PIK3C3: variants seen among roughly 807,000 people sequenced by gnomAD.
The protein encoded by PIK3C3 is PI3-kinase type 3.
PIK3C3 carries 95 observed loss-of-function variants against 126.1 expected under a neutral mutation model. That is an observed-to-expected ratio of 0.75 (90% CI 0.64 to 0.89). PIK3C3 has a LOEUF of 0.89. Ranked by LOEUF, PIK3C3 falls within the 40% of genes least tolerant of loss-of-function variation. The pLI is 0.00. For missense variants in PIK3C3, 829 were observed against 1,063.2 expected, an observed-to-expected ratio of 0.78 and a Z score of 3.06; for synonymous variants, 374 against 360.0, an observed-to-expected ratio of 1.04 and a Z score of -0.44.
chr18:42,009,504 G>T lies in PIK3C3; in HGVS notation c.1171-3938G>T, dbSNP rs1434757472. 2.6e-5 allele frequency among the ~76,000 whole-genome samples: 4 copies of T among 151,942 alleles called. No homozygotes were observed. In the East Asian group the frequency reaches 7.7e-4, roughly 29 times the overall value. On this transcript the variant is annotated intron_variant, in intron 10 of 24. Transcript: ENST00000262039. ...ACAAAGTGAGTCATATGAATTTTTTGGTTTCCTAGTACATGTAAAATTTAT... is the reference window on the plus strand; with the variant it reads ...ACAAAGTGAGTCATATGAATTTTTTTGTTTCCTAGTACATGTAAAATTTAT...
chr18:42,012,576 A>C (rs775830738), intron 10 of PIK3C3, among the ~76,000 whole-genome samples: 1 of 152,212 alleles, frequency 6.6e-6, no homozygotes, highest in Non-Finnish European at 1.5e-5. Flanking sequence ...TTTTAAAAGT[A>C]AAATTTTAAA....
intron 2 of PIK3C3, among the ~76,000 whole-genome samples, chr18:41,959,787 C>T (rs542364101): frequency 6.6e-6 from 1 of 151,786 alleles, no homozygotes; most frequent in African/African-American, 2.4e-5. Flanking sequence ...GAACGAGACT[C>T]CATCTCAAAA....
intron 9 of PIK3C3, 125 bp from the exon 10 acceptor site, chr18:42,004,231 T>C (rs766786267): frequency 4.5e-6 from 3 of 660,654 alleles, no homozygotes; most frequent in Non-Finnish European, 7.9e-6. Context: ...CATTTAGTGC[T>C]TACACAAGGA....
At chr18:41,996,099 C>T (rs1346323634) in intron 8 of PIK3C3, 105 bp downstream of exon 8, 10 of 733,554 alleles carry the variant, frequency 1.4e-5, no homozygotes, top group Admixed American at 6.5e-5. Context: ...CACATTTTCT[C>T]CAGGTTGATG....
At chr18:41,995,202 G>A (rs1598878757) in intron 7 of PIK3C3, among the ~76,000 whole-genome samples, 1 of 152,070 alleles carries the variant, frequency 6.6e-6, no homozygotes, top group South Asian at 2.1e-4. Context: ...TTAACAAACT[G>A]GGAGAAAATA....
Position 41,987,914 on chromosome 18 carries a change from CT to C in PIK3C3, c.618+20del, listed in dbSNP as rs1568123755. Reference sequence around the variant, plus strand: ...GATAAATGAGGTGGGTTATATCACTCTTTTATTTTAAAATATTTTCTGTAAA... The same window carrying C: ...GATAAATGAGGTGGGTTATATCACTCTTTATTTTAAAATATTTTCTGTAAA... On this transcript the variant is annotated intron_variant, in intron 5 of 24. Coordinates refer to ENST00000262039, the MANE Select transcript of PIK3C3 (RefSeq NM_002647.4). The C allele has an allele frequency of 1.5e-6, 2 of 1,376,962 alleles. No homozygotes were observed. Among genetic ancestry groups the C allele is most frequent in the Non-Finnish European group, 2.0e-6 (2 of 997,260 alleles). 85.3% of individuals were successfully genotyped at this position (1,376,962 alleles called of 1,614,324 possible). A position where few individuals can be genotyped will look rare whatever the true frequency, so the allele number is the denominator to read the frequency against.
intron 4 of PIK3C3, among the ~76,000 whole-genome samples, chr18:41,973,789 C>A (rs1449069805): frequency 6.6e-5 from 10 of 151,944 alleles, no homozygotes. Flanking sequence ...ACAGAAGGAA[C>A]AGAGATGGTA....
chr18:41,997,065 C>T (rs1568128101), intron 9 of PIK3C3, among the ~76,000 whole-genome samples: 1 of 152,034 alleles, frequency 6.6e-6, no homozygotes, highest in Non-Finnish European at 1.5e-5. Flanking sequence ...CGACAGTTCT[C>T]CTTCACAAGT....
At chr18:41,981,949 A>C (rs901909033) in intron 4 of PIK3C3, among the ~76,000 whole-genome samples, 2 of 151,922 alleles carry the variant, frequency 1.3e-5, no homozygotes, top group Non-Finnish European at 2.9e-5. Flanking sequence ...ACGCCACTGC[A>C]CTCCAGTCTA....
chr18:42,046,039 A>G (rs1984543778), intron 20 of PIK3C3, among the ~76,000 whole-genome samples: 1 of 152,078 alleles, frequency 6.6e-6, no homozygotes, highest in Admixed American at 6.6e-5. Context: ...ATAGTGGTCC[A>G]TTTTCCCCCC....
chr18:42,079,470 A>T (rs1340427956), intron 24 of PIK3C3, among the ~76,000 whole-genome samples: 1 of 152,228 alleles, frequency 6.6e-6, no homozygotes, highest in Admixed American at 6.5e-5. Context: ...TTGAAATATT[A>T]TGAGAATTAC....
intron 6 of PIK3C3, among the ~76,000 whole-genome samples, chr18:41,992,441 T>G (rs1273735982): frequency 6.6e-6 from 1 of 152,220 alleles, no homozygotes; most frequent in African/African-American, 2.4e-5. Context: ...TCTCTTGAGT[T>G]TGTTGCCCAT....
intron 24 of PIK3C3, among the ~76,000 whole-genome samples, chr18:42,074,307 T>C (rs1345767168): frequency 1.3e-5 from 2 of 149,838 alleles, no homozygotes; most frequent in African/African-American, 5.0e-5. Context: ...AAAGGAGAAC[T>C]ATCACACACA....
intron 10 of PIK3C3, among the ~76,000 whole-genome samples, chr18:42,012,206 G>T (rs935381740): frequency 6.6e-6 from 1 of 151,504 alleles, no homozygotes; most frequent in Non-Finnish European, 1.5e-5. Flanking sequence ...AAAATGCAAT[G>T]TGTGCAAGGT....
intron 24 of PIK3C3, among the ~76,000 whole-genome samples, chr18:42,076,211 C>T (rs558753340): frequency 3.7e-5 from 5 of 135,116 alleles, no homozygotes; most frequent in East Asian, 2.1e-4. Context: ...TATATATGCA[C>T]ATATATATAT....
At chr18:42,039,607 G>T (rs1466519052) in intron 18 of PIK3C3, among the ~76,000 whole-genome samples, 3 of 152,134 alleles carry the variant, frequency 2.0e-5, no homozygotes, top group Non-Finnish European at 4.4e-5. Context: ...GTGCTCTAAG[G>T]CCTTCACATA....
intron 22 of PIK3C3, among the ~76,000 whole-genome samples, chr18:42,060,305 A>C (rs999697683): frequency 2.1e-4 from 32 of 152,208 alleles, no homozygotes; most frequent in African/African-American, 7.2e-4. Flanking sequence ...AGAGTAGTCC[A>C]TTTGAACTTA....
rs1598877715 is a variant in PIK3C3 at position 41,994,054 on chromosome 18, G to T, written c.786+713G>T. ...TTCTAATTTTATACATTTCTAATTA[G>T]ATTAGTTACCTTCCTCATCAGACCA... is the stretch of plus-strand genomic sequence containing the variant. On this transcript the variant is annotated intron_variant, in intron 7 of 24. Coordinates refer to ENST00000262039, the MANE Select transcript of PIK3C3 (RefSeq NM_002647.4). Among the ~76,000 whole-genome samples, 4 of 152,196 alleles carry T rather than the reference G, an allele frequency of 2.6e-5. No homozygotes were observed. In the East Asian group the frequency reaches 7.7e-4, roughly 29 times the overall value.
chr18:42,031,301 T>A (rs1277854769), intron 15 of PIK3C3, among the ~76,000 whole-genome samples: 1 of 152,200 alleles, frequency 6.6e-6, no homozygotes, highest in Non-Finnish European at 1.5e-5. Flanking sequence ...GAGTTAAGTG[T>A]CAAATGAGTA....
Sources: gnomAD v4.1 joint callset for allele counts (sites outside exome capture counted in the v4.1 genomes callset) on GRCh38, gnomAD v4.1.1 for gene constraint, MANE v1.5 for transcripts, NCBI Gene and HGNC (gene_info 2026-07-23, HGNC 2026-07-21) for gene names.